Variants in CNBD1 observed in about 807,000 individuals in gnomAD.
The protein encoded by CNBD1 is cyclic nucleotide-binding domain-containing protein 1.
CNBD1 carries 71 observed loss-of-function variants against 54.4 expected under a neutral mutation model. The observed-to-expected ratio is 1.30, with a 90% CI of 1.08 to 1.59. The LOEUF (loss-of-function observed/expected upper bound fraction) is 1.59. Among genes scored for constraint, CNBD1 ranks in the 40% most tolerant of loss-of-function variants. CNBD1 has a pLI of 0.00. For missense variants in CNBD1, 659 were observed against 518.0 expected, an observed-to-expected ratio of 1.27 and a Z score of -2.64; for synonymous variants, 182 against 170.7, an observed-to-expected ratio of 1.07 and a Z score of -0.51.
At chr8:87,332,510 G>A (rs1809857370) in intron 8 of CNBD1, among the ~76,000 whole-genome samples, 1 of 152,004 alleles carries the variant, frequency 6.6e-6, no homozygotes, top group Non-Finnish European at 1.5e-5. Flanking sequence ...TTTATGGTTT[G>A]GAGTTTTACA....
chr8:87,077,215 C>T (rs1586240040), intron 4 of CNBD1, among the ~76,000 whole-genome samples: 1 of 152,178 alleles, frequency 6.6e-6, no homozygotes, highest in East Asian at 1.9e-4. Context: ...TAACAAATTA[C>T]CATAGATGGA....
At chr8:87,376,512 A>C (rs528195594) in intron 10 of CNBD1, among the ~76,000 whole-genome samples, 5 of 152,008 alleles carry the variant, frequency 3.3e-5, no homozygotes, top group African/African-American at 1.2e-4. Flanking sequence ...AACAGTAAAA[A>C]CCGGCCTAAA....
At position 87,382,671 on chromosome 8, in the gene CNBD1, C is replaced by G. The variant is rs542420094; in HGVS notation, c.*44C>G. 9 of 1,418,682 alleles carry G rather than the reference C, an allele frequency of 6.3e-6. No individual in the cohort carries two copies. Among genetic ancestry groups the G allele is most frequent in the Non-Finnish European group, 7.8e-6 (8 of 1,032,132 alleles). 87.9% of individuals were successfully genotyped at this position (1,418,682 alleles called of 1,614,324 possible). Reference sequence around the variant, plus strand: ...TGAACATTAATTAAGAAAGTATTGACTAAATAATGGAATAATTGCATTCTG... The same window carrying G: ...TGAACATTAATTAAGAAAGTATTGAGTAAATAATGGAATAATTGCATTCTG... On this transcript the variant is annotated 3_prime_UTR_variant, in exon 11 of 11. Coordinates refer to ENST00000518476, the MANE Select transcript of CNBD1 (RefSeq NM_173538.3).
intron 5 of CNBD1, among the ~76,000 whole-genome samples, chr8:87,235,151 G>A (rs1347319707): frequency 6.6e-6 from 1 of 152,064 alleles, no homozygotes; most frequent in Non-Finnish European, 1.5e-5. Flanking sequence ...TCTGGATTAG[G>A]TTTCATTTAA....
Position 87,353,802 on chromosome 8 carries a change from T to A in CNBD1, c.1303+16T>A, listed in dbSNP as rs1263997039. The A allele has an allele frequency of 1.9e-6, 3 of 1,578,288 alleles. No individual in the cohort carries two copies. The highest frequency in any genetic ancestry group is 2.6e-6 in the Non-Finnish European group (3 of 1,160,640). On this transcript the variant is annotated intron_variant, in intron 10 of 10. Coordinates refer to ENST00000518476, the MANE Select transcript of CNBD1 (RefSeq NM_173538.3). ...GACCTATTTGGTAAATGCATAAATA[T>A]CTTTTAACTGTTATACCATTTTATT...
intron 5 of CNBD1, among the ~76,000 whole-genome samples, chr8:87,212,095 G>T (rs749174881): frequency 6.6e-5 from 10 of 152,020 alleles, no homozygotes; most frequent in Non-Finnish European, 1.5e-4. Flanking sequence ...TTATAAAAAT[G>T]AAATTAAGAA....
intron 1 of CNBD1, among the ~76,000 whole-genome samples, chr8:86,868,619 A>G (rs1173456008): frequency 6.6e-6 from 1 of 152,084 alleles, no homozygotes; most frequent in Admixed American, 6.6e-5. Context: ...GGCGTGAGCT[A>G]CCACGCCCCG....
At chr8:87,137,261 A>G (rs956560909) in intron 4 of CNBD1, among the ~76,000 whole-genome samples, 40 of 149,460 alleles carry the variant, frequency 2.7e-4, no homozygotes, top group Admixed American at 1.4e-4. Flanking sequence ...CAGTGGCTCT[A>G]TCTTGGCTAA....
chr8:87,156,700 AG>A (rs1812750485), intron 4 of CNBD1, among the ~76,000 whole-genome samples: 1 of 152,052 alleles, frequency 6.6e-6, no homozygotes, highest in Non-Finnish European at 1.5e-5. Flanking sequence ...AACTTTATTC[AG>A]GGTTGGGGGT....
intron 6 of CNBD1, among the ~76,000 whole-genome samples, chr8:87,275,243 A>T (rs1046446333): frequency 1.2e-4 from 17 of 138,726 alleles, no homozygotes; most frequent in African/African-American, 4.9e-4. Context: ...CTTAGGATTC[A>T]CTTGGTGATG....
At chr8:86,902,049 A>G (rs140566317) in intron 2 of CNBD1, among the ~76,000 whole-genome samples, 13 of 152,242 alleles carry the variant, frequency 8.5e-5, no homozygotes, top group Admixed American at 8.5e-4. Flanking sequence ...TTTAAACTTT[A>G]TATGCATCAT....
At chr8:87,229,184 A>C (rs895860892) in intron 5 of CNBD1, among the ~76,000 whole-genome samples, 4 of 152,114 alleles carry the variant, frequency 2.6e-5, no homozygotes, top group Non-Finnish European at 4.4e-5. Context: ...GGTACCTCAG[A>C]TGGAAATGCA....
At chr8:87,056,896 G>T in intron 4 of CNBD1, among the ~76,000 whole-genome samples, 1 of 152,128 alleles carries the variant, frequency 6.6e-6, no homozygotes, top group Non-Finnish European at 1.5e-5. Flanking sequence ...CAACTATTTG[G>T]TAGGTGGAAT....
chr8:87,272,521 T>C (rs976267119), intron 6 of CNBD1, among the ~76,000 whole-genome samples: 7 of 151,976 alleles, frequency 4.6e-5, no homozygotes, highest in African/African-American at 1.7e-4. Context: ...AATTTAGTGT[T>C]ATGTGGGAGA....
At chr8:86,932,790 T>A (rs1809478790) in intron 3 of CNBD1, among the ~76,000 whole-genome samples, 2 of 152,120 alleles carry the variant, frequency 1.3e-5, no homozygotes, top group Admixed American at 1.3e-4. Flanking sequence ...TGCCTGAGTG[T>A]TTCCCATCTG....
intron 8 of CNBD1, among the ~76,000 whole-genome samples, chr8:87,319,870 A>T (rs1221823688): frequency 6.6e-6 from 1 of 152,090 alleles, no homozygotes; most frequent in Non-Finnish European, 1.5e-5. Flanking sequence ...AGCCTACATA[A>T]TTTATTTGAT....
chr8:87,135,106 A>G (rs1342567588), intron 4 of CNBD1, among the ~76,000 whole-genome samples: 2 of 152,132 alleles, frequency 1.3e-5, no homozygotes, highest in African/African-American at 2.4e-5. Flanking sequence ...AGAAACACAA[A>G]ATTGAGTCTG....
chr8:87,298,980 CA>C (rs1808934613), intron 8 of CNBD1, among the ~76,000 whole-genome samples: 1 of 152,118 alleles, frequency 6.6e-6, no homozygotes, highest in South Asian at 2.1e-4. Context: ...TTTACCATTC[CA>C]AGATTAGACT....
downstream of CNBD1, among the ~76,000 whole-genome samples, chr8:87,384,039 CAATT>C (rs148042818): frequency 0.019 from 2,871 of 152,028 alleles, 90 homozygotes; most frequent in African/African-American, 0.062. Context: ...AAGGCTCATT[CAATT>C]AAGAATGAGT....
Sources: gnomAD v4.1 joint callset for allele counts (sites outside exome capture counted in the v4.1 genomes callset) on GRCh38, gnomAD v4.1.1 for gene constraint, MANE v1.5 for transcripts, NCBI Gene and HGNC (gene_info 2026-07-23, HGNC 2026-07-21) for gene names.